Variants in GRAMD2B observed in about 807,000 individuals in gnomAD.
GRAMD2B encodes GRAM domain containing 2B.
A neutral mutation model predicts 59.2 loss-of-function variants in GRAMD2B; 41 were observed. That is an observed-to-expected ratio of 0.69 (90% CI 0.54 to 0.90). The LOEUF (loss-of-function observed/expected upper bound fraction) is 0.90, where lower values mean the gene tolerates loss of function less well. Among genes scored for constraint, GRAMD2B ranks in the 40% least tolerant of loss-of-function variants. The pLI is 0.00. For missense variants in GRAMD2B, 424 were observed against 500.5 expected (o/e 0.85, Z 1.46); for synonymous variants, 161 against 182.7 (o/e 0.88, Z 0.96).
chr5:126,484,067 A>G (rs1428541241), intron 9 of GRAMD2B, among the ~76,000 whole-genome samples: 1 of 152,164 alleles, frequency 6.6e-6, no homozygotes, highest in Non-Finnish European at 1.5e-5. Context: ...TGACCTCGTG[A>G]TCCACCCACT....
chr5:126,377,117 A>G (rs867652805), intron 1 of GRAMD2B, among the ~76,000 whole-genome samples: 13 of 147,142 alleles, frequency 8.8e-5, no homozygotes, highest in Admixed American at 2.1e-4. Context: ...CTCAATGCAC[A>G]TGCTCTATCT....
Position 126,493,884 on chromosome 5 carries a change from A to C in GRAMD2B, c.*928A>C, listed in dbSNP as rs1226010388. The C allele has an allele frequency of 6.6e-6, 1 of 152,632 alleles. No homozygotes were observed. The highest frequency in any genetic ancestry group is 1.5e-5 in the Non-Finnish European group (1 of 68,028). 9.5% of individuals were successfully genotyped at this position (152,632 alleles called of 1,614,324 possible). A position where few individuals can be genotyped will look rare whatever the true frequency, so the allele number is the denominator to read the frequency against. Reference sequence around the variant, plus strand: ...GTATGTTTTTATCCTTTGCTGACTAAAATAAAATAACTGGTGGTTTGCTAA... The same window carrying C: ...GTATGTTTTTATCCTTTGCTGACTACAATAAAATAACTGGTGGTTTGCTAA... On this transcript the variant is annotated 3_prime_UTR_variant, in exon 14 of 14. Transcript: ENST00000285689.
At chr5:126,423,048 G>T, upstream of GRAMD2B, 1 of 474,212 alleles carries the variant, frequency 2.1e-6, no homozygotes, top group Non-Finnish European at 2.8e-6. Flanking sequence ...CCTCAATGAA[G>T]CAATATCCTG....
intron 1 of GRAMD2B, among the ~76,000 whole-genome samples, chr5:126,385,577 C>A (rs1756050973): frequency 1.3e-5 from 2 of 152,190 alleles, no homozygotes; most frequent in African/African-American, 4.8e-5. Flanking sequence ...ATCTTCATGC[C>A]TCTGCTATTA....
At chr5:126,411,603 T>C (rs1162682366) in intron 1 of GRAMD2B, among the ~76,000 whole-genome samples, 2 of 152,132 alleles carry the variant, frequency 1.3e-5, no homozygotes, top group African/African-American at 4.8e-5. Context: ...TTTGGTTCCA[T>C]GTGAATTTTA....
At chr5:126,362,940 G>C (rs183348554) in intron 1 of GRAMD2B, among the ~76,000 whole-genome samples, 1 of 152,106 alleles carries the variant, frequency 6.6e-6, no homozygotes, top group Non-Finnish European at 1.5e-5. Flanking sequence ...CACCAAAATC[G>C]CAAGTGATAA....
At chr5:126,397,633 A>G (rs1215200319) in intron 1 of GRAMD2B, among the ~76,000 whole-genome samples, 3 of 152,186 alleles carry the variant, frequency 2.0e-5, no homozygotes, top group East Asian at 1.9e-4. Flanking sequence ...TGAGACAATC[A>G]TGTGGTTTTC....
At chr5:126,450,055 C>T (rs183067633) in intron 1 of GRAMD2B, among the ~76,000 whole-genome samples, 12 of 151,954 alleles carry the variant, frequency 7.9e-5, no homozygotes, top group Admixed American at 6.6e-4. Context: ...GGCTTTTGAT[C>T]TCTTTTTTTT....
intron 5 of GRAMD2B, among the ~76,000 whole-genome samples, chr5:126,474,548 G>A (rs1218843619): frequency 2.6e-5 from 4 of 152,134 alleles, no homozygotes; most frequent in Admixed American, 2.6e-4. Flanking sequence ...TGGATTAAAG[G>A]TCTTGTTCAT....
chr5:126,442,340 G>C (rs1465570463), intron 1 of GRAMD2B, among the ~76,000 whole-genome samples: 1 of 150,538 alleles, frequency 6.6e-6, no homozygotes, highest in Non-Finnish European at 1.5e-5. Flanking sequence ...ACCCAGGCTG[G>C]AGTGTAATGG....
chr5:126,483,382 G>T, intron 8 of GRAMD2B, 81 bp from the exon 9 acceptor site: 1 of 794,678 alleles, frequency 1.3e-6, no homozygotes, highest in Non-Finnish European at 2.2e-6. Context: ...TCAGGCCTAG[G>T]TGAAAGGGCT....
chr5:126,450,887 C>T (rs1765226940), intron 1 of GRAMD2B, among the ~76,000 whole-genome samples: 1 of 152,198 alleles, frequency 6.6e-6, no homozygotes, highest in Admixed American at 6.5e-5. Context: ...AGCCTACATA[C>T]CCAGGCAGAA....
chr5:126,409,253 G>A (rs1758543806), intron 1 of GRAMD2B, among the ~76,000 whole-genome samples: 1 of 152,294 alleles, frequency 6.6e-6, no homozygotes. Flanking sequence ...GATCCTTGAG[G>A]AATCGCCACA....
chr5:126,491,070 A>G (rs1406483149), intron 13 of GRAMD2B, among the ~76,000 whole-genome samples: 2 of 151,964 alleles, frequency 1.3e-5, no homozygotes, highest in Non-Finnish European at 2.9e-5. Flanking sequence ...TATTTTCCTA[A>G]TTATTACTGA....
At chr5:126,377,438 C>T (rs1231829505) in intron 1 of GRAMD2B, among the ~76,000 whole-genome samples, 1 of 152,038 alleles carries the variant, frequency 6.6e-6, no homozygotes, top group Non-Finnish European at 1.5e-5. Flanking sequence ...TGGTAAGGTG[C>T]GCAGATAGTC....
chr5:126,437,414 G>A (rs564335845), intron 1 of GRAMD2B, among the ~76,000 whole-genome samples: 1 of 152,278 alleles, frequency 6.6e-6, no homozygotes, highest in East Asian at 1.9e-4. Context: ...GGGGATTTGG[G>A]GTATTAAAAA....
chr5:126,366,936 C>T (rs1329841101), upstream of GRAMD2B, among the ~76,000 whole-genome samples: 1 of 149,164 alleles, frequency 6.7e-6, no homozygotes, highest in Non-Finnish European at 1.5e-5. Flanking sequence ...CTCACAAAAA[C>T]CTCCGCCTTC....
In GRAMD2B at chr5:126,365,056, TTGA is replaced by T. The variant is rs1486305663; in HGVS notation, c.128+4605_128+4607del. The stretch of plus-strand genomic sequence containing the variant: ...TAATCCTTTAGAGTAAAACATAATT[TTGA>T]TGATGATAAAATGTTCATTGTGATT... On this transcript the variant is annotated intron_variant, in intron 1 of 13. Transcript: ENST00000513040. 6.6e-5 allele frequency among the ~76,000 whole-genome samples: 10 copies of T among 152,346 alleles called. No homozygotes were observed. The East Asian group carries it at 1.9e-3, about 29-fold the overall frequency.
At chr5:126,458,780 A>G (rs200334604) in intron 1 of GRAMD2B, 1 of 152,218 alleles carries the variant, frequency 6.6e-6, no homozygotes, top group Non-Finnish European at 1.5e-5. Flanking sequence ...AAGATTTCTC[A>G]CAGCCACATC....
Sources: gnomAD v4.1 joint callset for allele counts (sites outside exome capture counted in the v4.1 genomes callset) on GRCh38, gnomAD v4.1.1 for gene constraint, MANE v1.5 for transcripts, NCBI Gene and HGNC (gene_info 2026-07-23, HGNC 2026-07-21) for gene names.